SEC14L3: variants seen among roughly 807,000 people sequenced by gnomAD.
SEC14L3 encodes SEC14 like lipid binding 3.
Under a neutral mutation model 57.4 loss-of-function variants are expected in SEC14L3, and 56 were observed. The observed-to-expected ratio is 0.97, with a 90% confidence interval of 0.79 to 1.22. The LOEUF is 1.22. SEC14L3 is among the 50% of genes most tolerant of loss of function. The pLI, the probability that SEC14L3 is intolerant of heterozygous loss-of-function variation, is 0.00. For synonymous variants in SEC14L3, 173 were observed against 194.4 expected (o/e 0.89, Z 0.92); for missense variants, 485 against 511.7 (o/e 0.95, Z 0.50).
chr22:30,454,580 A>AATAATAATATATATAATCT (rs1935051105), downstream of SEC14L3, among the ~76,000 whole-genome samples: 9 of 103,674 alleles, frequency 8.7e-5, no homozygotes, highest in South Asian at 1.4e-3. Context: ...TATAATCTAT[A>AATAATAATATATATAATCT]ATAATATTAT....
At position 30,471,902 on chromosome 22, in the gene SEC14L3, C is replaced by T. The variant is rs1029441549; in HGVS notation, c.54+3G>A. 5 of 1,613,310 alleles carry T rather than the reference C, an allele frequency of 3.1e-6. No individual in the cohort carries two copies. In the African/African-American group the frequency reaches 6.7e-5, roughly 22 times the overall value. On this transcript the variant is annotated splice_donor_region_variant and intron_variant, in intron 1 of 11. Transcript: ENST00000215812. The stretch of plus-strand genomic sequence containing the variant: ...CCGGAACTCCAGGGGGAGGGGCTCT[C>T]ACCTTGGCCAGGGTCTCTGCCTGTT...
chr22:30,471,443 C>A, intron 1 of SEC14L3, among the ~76,000 whole-genome samples: 1 of 152,112 alleles, frequency 6.6e-6, no homozygotes, highest in East Asian at 1.9e-4. Context: ...ATTATATGTC[C>A]TCTTCTTCCT....
At chr22:30,466,110 C>A (rs571984486) in intron 7 of SEC14L3, among the ~76,000 whole-genome samples, 6 of 152,300 alleles carry the variant, frequency 3.9e-5, no homozygotes, top group African/African-American at 1.4e-4. Flanking sequence ...AAGGGAGGAT[C>A]CCTGGGAGAG....
At chr22:30,465,736 C>T (rs2412988) in intron 7 of SEC14L3, among the ~76,000 whole-genome samples, 107,169 of 152,178 alleles carry the variant, frequency 0.7, 38,738 homozygotes, top group African/African-American at 0.86. Context: ...AATTCTCCAA[C>T]GAACCACCAG....
intron 8 of SEC14L3, among the ~76,000 whole-genome samples, chr22:30,462,740 CT>C (rs201844599): frequency 0.3 from 42,984 of 142,138 alleles, 6,330 homozygotes; most frequent in East Asian, 0.34. Flanking sequence ...ATGGCACATT[CT>C]TTTTTTTTTT....
downstream of SEC14L3, among the ~76,000 whole-genome samples, chr22:30,455,145 T>TATATATTATATTTGATATTTA (rs1935093986): frequency 1.2e-4 from 6 of 50,504 alleles, no homozygotes; most frequent in Admixed American, 3.4e-4. Flanking sequence ...TAATATTTAA[T>TATATATTATATTTGATATTTA]ATATATTATA....
chr22:30,463,026 C>T (rs1273732376), intron 8 of SEC14L3, among the ~76,000 whole-genome samples: 2 of 152,164 alleles, frequency 1.3e-5, no homozygotes, highest in Non-Finnish European at 2.9e-5. Context: ...TGAGCCACCA[C>T]GCCCAGCCAA....
downstream of SEC14L3, among the ~76,000 whole-genome samples, chr22:30,458,426 C>T (rs1176537419): frequency 6.6e-6 from 1 of 152,210 alleles, no homozygotes; most frequent in African/African-American, 2.4e-5. Flanking sequence ...CTATCACCTC[C>T]TCTACCCACA....
At chr22:30,458,048 C>T (rs965217131), downstream of SEC14L3, among the ~76,000 whole-genome samples, 1 of 152,202 alleles carries the variant, frequency 6.6e-6, no homozygotes, top group African/African-American at 2.4e-5. Flanking sequence ...GACCTCATAG[C>T]CTGCCCACGG....
rs1280727320 is a variant in SEC14L3, at chr22:30,471,864, T to C, written c.54+41A>G. Reference sequence around the variant, plus strand: ...CACTTCTTTCCACCCCCCAGCCCCTTTCCCCTGGTCTTCCGGAACTCCAGG... The same window carrying C: ...CACTTCTTTCCACCCCCCAGCCCCTCTCCCCTGGTCTTCCGGAACTCCAGG... On this transcript the variant is annotated intron_variant, in intron 1 of 11. Coordinates refer to ENST00000215812, the MANE Select transcript of SEC14L3 (RefSeq NM_174975.5). The C allele has an allele frequency of 4.3e-6, 7 of 1,613,068 alleles. No homozygotes were observed. The Admixed American group carries it at 1.0e-4, about 23-fold the overall frequency.
At chr22:30,459,030 A>C (rs1390557415), downstream of SEC14L3, among the ~76,000 whole-genome samples, 1 of 152,068 alleles carries the variant, frequency 6.6e-6, no homozygotes, top group Admixed American at 6.6e-5. Context: ...AAACAAACAA[A>C]TAAACAAACA....
intron 5 of SEC14L3, among the ~76,000 whole-genome samples, chr22:30,468,293 A>AAAAAAG (rs544745401): frequency 2.7e-5 from 4 of 149,490 alleles, no homozygotes; most frequent in Non-Finnish European, 4.4e-5. Flanking sequence ...AAAAAAAAAA[A>AAAAAAG]GAGGGTTCTA....
rs751513216 is a variant in SEC14L3, at chr22:30,466,376, C to T, written c.538G>A (p.Glu180Lys). The change falls in exon 7 of 12, where the codon GAG becomes AAG. Residue 180 changes from glutamate (E) to lysine (K), a missense_variant. Glu to Lys is a moderately conservative substitution (Grantham distance 56, BLOSUM62 1). Transcript: ENST00000215812. ...AACTTCAGGGTCTCTGGGTAATTCT[C>T]TTCAAGGAGGCCAAAGAACTGTGGA... ...VYQEFFGLLEENYPETLKFML... is the reference protein window; with the variant it reads ...VYQEFFGLLEKNYPETLKFML... The T allele has an allele frequency of 5.6e-6, 9 of 1,614,112 alleles. No individual in the cohort carries two copies. The Admixed American group carries it at 8.3e-5, about 15-fold the overall frequency.
At chr22:30,468,003 T>C (rs749476129) in intron 5 of SEC14L3, among the ~76,000 whole-genome samples, 3 of 152,132 alleles carry the variant, frequency 2.0e-5, no homozygotes, top group Non-Finnish European at 2.9e-5. Context: ...ATTCCCGGCC[T>C]GGTACGGTGG....
downstream of SEC14L3, among the ~76,000 whole-genome samples, chr22:30,455,092 TATATA>T (rs1302266866): frequency 1.3e-5 from 1 of 76,624 alleles, no homozygotes; most frequent in African/African-American, 5.4e-5. Context: ...AAATATTTAA[TATATA>T]ATATATTTAA....
intron 7 of SEC14L3, chr22:30,465,120 C>T: frequency 4.9e-6 from 1 of 204,146 alleles, no homozygotes; most frequent in Non-Finnish European, 8.6e-6. Flanking sequence ...AACCATCAAC[C>T]AACCATTCAG....
At chr22:30,469,718 T>C (rs1935539093) in intron 4 of SEC14L3, among the ~76,000 whole-genome samples, 1 of 152,206 alleles carries the variant, frequency 6.6e-6, no homozygotes, top group Non-Finnish European at 1.5e-5. Flanking sequence ...CAGCCCTACC[T>C]TGGGCTATGG....
In SEC14L3 at chr22:30,460,062, C is replaced by T. The variant is rs140286288; in HGVS notation, c.1162G>A (p.Glu388Lys). ...SFTVEVLLPDEGMQKYDKELT... is the reference protein window; with the variant it reads ...SFTVEVLLPDKGMQKYDKELT... ...TCCTTATCATATTTCTGCATGCCCTCGTCAGGGAGCAGGACCTCCACTGTG... is the reference window on the plus strand; with the variant it reads ...TCCTTATCATATTTCTGCATGCCCTTGTCAGGGAGCAGGACCTCCACTGTG... Residue 388 changes from glutamate (E) to lysine (K), a missense_variant, in exon 12 of 12, where the codon GAG (glutamate) becomes AAG (lysine). Physicochemically the swap from Glu to Lys is moderately conservative, Grantham distance 56. Coordinates refer to ENST00000215812, the MANE Select transcript of SEC14L3 (RefSeq NM_174975.5). 1.2e-4 allele frequency: 188 copies of T among 1,614,118 alleles called. No individual in the cohort carries two copies. The highest frequency in any genetic ancestry group is 3.1e-4 in the African/African-American group (23 of 75,006).
chr22:30,461,283 G>A, intron 11 of SEC14L3, 27 bp downstream of exon 11: 2 of 1,551,132 alleles, frequency 1.3e-6, no homozygotes, highest in Non-Finnish European at 1.7e-6. Context: ...GCCTTTCAGA[G>A]CCAGGTCCCA....
Sources: allele counts gnomAD v4.1 joint callset (sites outside exome capture counted in the v4.1 genomes callset), GRCh38; gene constraint gnomAD v4.1.1; transcripts MANE v1.5; gene names NCBI Gene and HGNC (gene_info 2026-07-23, HGNC 2026-07-21).